UBE3B: variants seen among roughly 807,000 people sequenced by gnomAD.
The protein encoded by UBE3B is ubiquitin protein ligase E3B, also known as ubiquitin-protein ligase E3B.
A neutral mutation model predicts 132.3 loss-of-function variants in UBE3B; 80 were observed. That is an observed-to-expected ratio of 0.60 (90% confidence interval 0.50 to 0.73). UBE3B has a LOEUF of 0.73. Ranked by LOEUF, UBE3B falls within the 30% of genes least tolerant of loss-of-function variation. The pLI is 0.00. For missense variants in UBE3B, 1,196 were observed against 1,362.5 expected (o/e 0.88, Z 1.92); for synonymous variants, 487 against 520.4 (o/e 0.94, Z 0.87).
chr12:109,492,485 TA>T, intron 9 of UBE3B: 1 of 152,398 alleles, frequency 6.6e-6, no homozygotes, highest in Non-Finnish European at 1.5e-5. Flanking sequence ...CCCATGCCTG[TA>T]ATCCCAGCAC....
At chr12:109,545,195 C>G in the UBE3B span, among the ~76,000 whole-genome samples, 2 of 152,260 alleles carry the variant, frequency 1.3e-5, no homozygotes, top group Admixed American at 1.3e-4. Context: ...GGAGCACACC[C>G]CATGTGGGGC....
intron 23 of UBE3B, 120 bp downstream of exon 23, chr12:109,524,623 C>T (rs1882106726): frequency 1.9e-6 from 2 of 1,074,066 alleles, no homozygotes; most frequent in Non-Finnish European, 2.7e-6. Context: ...GTCCCTTGTC[C>T]TCCCCACCCC....
chr12:109,500,185 A>G (rs146020872), intron 12 of UBE3B, among the ~76,000 whole-genome samples: 11 of 152,356 alleles, frequency 7.2e-5, no homozygotes, highest in Admixed American at 2.0e-4. Flanking sequence ...AAACAAGACA[A>G]ATGATTCAAA....
chr12:109,514,660 A>G (rs761656078), intron 18 of UBE3B, among the ~76,000 whole-genome samples: 1 of 152,130 alleles, frequency 6.6e-6, no homozygotes, highest in Non-Finnish European at 1.5e-5. Context: ...CACATGACAA[A>G]CACCTGTTCT....
rs1375841194 is a variant in UBE3B at position 109,530,085 on chromosome 12, TG to T, written c.2810+19del. 9 of 1,583,402 alleles carry T rather than the reference TG, an allele frequency of 5.7e-6. No individual in the cohort carries two copies. In the African/African-American group the frequency reaches 9.5e-5, roughly 17 times the overall value. ...TGGAAGATTTAAAGTAAGAGGCGGG[TG>T]GGGGGAAGGGTGAAATTCCTTGGCC... On this transcript the variant is annotated intron_variant, in intron 25 of 27. Transcript: ENST00000342494.
chr12:109,503,305 G>A, intron 14 of UBE3B, 115 bp downstream of exon 14: 1 of 1,380,338 alleles, frequency 7.2e-7, no homozygotes, highest in Non-Finnish European at 9.7e-7. Context: ...TTCTGAAGGA[G>A]GGCATTTTTG....
intron 13 of UBE3B, among the ~76,000 whole-genome samples, chr12:109,502,664 A>G (rs1179194589): frequency 6.6e-6 from 1 of 152,144 alleles, no homozygotes; most frequent in Non-Finnish European, 1.5e-5. Flanking sequence ...GAAAATAGAG[A>G]TGTAGCCAGG....
intron 24 of UBE3B, 47 bp downstream of exon 24, chr12:109,526,463 C>T: frequency 6.4e-7 from 1 of 1,563,344 alleles, no homozygotes; most frequent in Non-Finnish European, 8.8e-7. Context: ...GAAAAGACTT[C>T]ATTCTGGCTC....
At position 109,524,482 on chromosome 12, in the gene UBE3B, C is replaced by T. The variant is rs748637278; in HGVS notation, c.2547C>T (p.Tyr849=). 9.9e-6 allele frequency: 16 copies of T among 1,614,058 alleles called. No individual in the cohort carries two copies. The Admixed American group carries it at 1.3e-4, about 13-fold the overall frequency. The part of the protein sequence containing the change: ...DITDLGLTLS[Y]DEDVMGQLVC... Reference sequence around the variant, plus strand: ...CTGACCTGGGCCTGACGCTGTCTTACGACGAGGACGTCATGGGTCAGGTAG... The same window carrying T: ...CTGACCTGGGCCTGACGCTGTCTTATGACGAGGACGTCATGGGTCAGGTAG... Residue 849 remains tyrosine, a synonymous_variant, in exon 23 of 28, where the codon TAC becomes TAT. Coordinates refer to ENST00000342494, the MANE Select transcript of UBE3B (RefSeq NM_130466.4).
In UBE3B at chr12:109,501,400, A is replaced by G; in HGVS notation, c.1148A>G (p.Lys383Arg). The G allele has an allele frequency of 6.2e-7, 1 of 1,614,098 alleles. No homozygotes were observed. Among genetic ancestry groups the G allele is most frequent in the African/African-American group, 1.3e-5 (1 of 75,016 alleles). ...GLNESMHLITKQLQFLWGVPL... is the reference protein window; with the variant it reads ...GLNESMHLITRQLQFLWGVPL... ...AACGAGTCAATGCACTTGATCACCA[A>G]ACAGCTGCAGTTCTTGTGGGGGGTG... The change falls in exon 13 of 28, where the codon AAA (lysine) becomes AGA (arginine). Residue 383 changes from lysine to arginine, a missense_variant. Physicochemically the swap from Lys to Arg is conservative, Grantham distance 26 (BLOSUM62 2). Coordinates refer to ENST00000342494, the MANE Select transcript of UBE3B (RefSeq NM_130466.4).
chr12:109,500,499 G>C (rs953240549), intron 12 of UBE3B, among the ~76,000 whole-genome samples: 1 of 152,168 alleles, frequency 6.6e-6, no homozygotes, highest in Admixed American at 6.5e-5. Flanking sequence ...TTCTTTTGTT[G>C]TACCTGAGTG....
Position 109,524,458 on chromosome 12 carries a change from T to A in UBE3B, c.2523T>A (p.Thr841=), listed in dbSNP as rs1882081318. The A allele has an allele frequency of 6.2e-7, 1 of 1,614,112 alleles. No homozygotes were observed. The highest frequency in any genetic ancestry group is 8.5e-7 in the Non-Finnish European group (1 of 1,180,042). Residue 841 remains threonine, a synonymous_variant, in exon 23 of 28, where the codon ACT becomes ACA. Transcript: ENST00000342494. ...TSIKRYDGDI[T]DLGLTLSYDE... ...ATTAGCGCTATGATGGGGACATCACTGACCTGGGCCTGACGCTGTCTTACG... is the reference window on the plus strand; with the variant it reads ...ATTAGCGCTATGATGGGGACATCACAGACCTGGGCCTGACGCTGTCTTACG...
In UBE3B at chr12:109,494,075, C is replaced by G. The variant is rs1388669710; in HGVS notation, c.713+2948C>G. ...TCCTGGCCTCAAGCGATCCTCATGC[C>G]TCAGCCTCTCAAAAAGTGCTGGAAT... On this transcript the variant is annotated intron_variant, in intron 9 of 27. Transcript: ENST00000342494. Among the ~76,000 whole-genome samples the G allele has an allele frequency of 2.6e-5, 4 of 152,140 alleles. No homozygotes were observed. In the South Asian group the frequency reaches 8.3e-4, roughly 32 times the overall value.
intron 9 of UBE3B, among the ~76,000 whole-genome samples, chr12:109,495,589 G>A (rs968518778): frequency 6.6e-5 from 10 of 152,298 alleles, no homozygotes; most frequent in Non-Finnish European, 1.0e-4. Context: ...GGGTCTCACA[G>A]CCTTCAGAGC....
intron 19 of UBE3B, among the ~76,000 whole-genome samples, chr12:109,517,290 A>G (rs1881185720): frequency 6.6e-6 from 1 of 152,194 alleles, no homozygotes. Context: ...AGTGGAGTGG[A>G]GGTGTTACAT....
intron 1 of UBE3B, among the ~76,000 whole-genome samples, chr12:109,480,790 T>G (rs1352642950): frequency 2.0e-5 from 3 of 152,118 alleles, no homozygotes. Context: ...TGTGGAAAAT[T>G]TAGAAAATAC....
chr12:109,507,858 A>G (rs1879883074), intron 15 of UBE3B, 123 bp downstream of exon 15: 3 of 1,192,388 alleles, frequency 2.5e-6, no homozygotes, highest in Non-Finnish European at 3.5e-6. Context: ...GTGGCAGGGC[A>G]TTGTAAGAAC....
chr12:109,488,685 T>G lies in UBE3B; in HGVS notation c.544+17T>G. The G allele has an allele frequency of 6.2e-7, 1 of 1,608,558 alleles. No homozygotes were observed. The highest frequency in any genetic ancestry group is 1.7e-4 in the Middle Eastern group (1 of 6,054). On this transcript the variant is annotated intron_variant, in intron 7 of 27. Coordinates refer to ENST00000342494, the MANE Select transcript of UBE3B (RefSeq NM_130466.4). ...GGGGAAAAGGTCTGTGGGACTTGCT[T>G]CAAAATGTTCTCTAACCAACATTTC...
intron 9 of UBE3B, among the ~76,000 whole-genome samples, chr12:109,496,993 C>T (rs1878286058): frequency 6.6e-6 from 1 of 152,030 alleles, no homozygotes; most frequent in Non-Finnish European, 1.5e-5. Flanking sequence ...CCTGTGTTTT[C>T]TTCTAAGAAT....
Sources: gnomAD v4.1 joint callset for allele counts (sites outside exome capture counted in the v4.1 genomes callset) on GRCh38, gnomAD v4.1.1 for gene constraint, MANE v1.5 for transcripts, NCBI Gene and HGNC (gene_info 2026-07-23, HGNC 2026-07-21) for gene names.